NDST3: variants seen among roughly 807,000 people sequenced by gnomAD.
The protein encoded by NDST3 is N-deacetylase and N-sulfotransferase 3, also known as bifunctional heparan sulfate N-deacetylase/N-sulfotransferase 3.
Under a neutral mutation model 96.1 loss-of-function variants are expected in NDST3, and 58 were observed. The ratio of observed to expected loss-of-function variants is 0.60; its 90% CI spans 0.49 to 0.75. The LOEUF is 0.75. NDST3 is among the 30% of genes least tolerant of loss of function. The probability of loss-of-function intolerance (pLI) is 0.00; values close to 1 mark genes in which losing one functional copy is unlikely to be tolerated. For missense variants in NDST3, 788 were observed against 1,034.2 expected (o/e 0.76, Z 3.27); for synonymous variants, 333 against 359.7 (o/e 0.93, Z 0.84).
At position 118,152,172 on chromosome 4, in the gene NDST3, T is replaced by C. The variant is rs1028904019; in HGVS notation, c.1539+8488T>C. 1.2e-4 allele frequency among the ~76,000 whole-genome samples: 19 copies of C among 152,312 alleles called. No individual in the cohort carries two copies. In the South Asian group the frequency reaches 3.3e-3, roughly 27 times the overall value. On this transcript the variant is annotated intron_variant, in intron 6 of 13. Coordinates refer to ENST00000296499, the MANE Select transcript of NDST3 (RefSeq NM_004784.3). ...TAAGAAAATTCTCAAATCAAAAGCATAAGGAAAACCTGTTTCCTGAATTCA... is the reference window on the plus strand; with the variant it reads ...TAAGAAAATTCTCAAATCAAAAGCACAAGGAAAACCTGTTTCCTGAATTCA...
chr4:118,054,246 T>C lies in NDST3; in HGVS notation c.336T>C (p.Pro112=), dbSNP rs369529868. ...SRFQYHIEIA[P]GKGDLPVLID... is the part of the protein sequence containing the mutation. Reference sequence around the variant, plus strand: ...TCCAGTATCACATTGAAATTGCCCCTGGAAAGGGAGATCTCCCAGTGCTTA... The same window carrying C: ...TCCAGTATCACATTGAAATTGCCCCCGGAAAGGGAGATCTCCCAGTGCTTA... The change falls in exon 2 of 14, where the codon CCT becomes CCC. Residue 112 remains proline (P), a synonymous_variant. Transcript: ENST00000296499. The C allele has an allele frequency of 5.6e-6, 9 of 1,612,724 alleles. No homozygotes were observed. Among genetic ancestry groups the C allele is most frequent in the Non-Finnish European group, 6.8e-6 (8 of 1,179,358 alleles).
chr4:118,195,448 C>T (rs944401085), intron 6 of NDST3, among the ~76,000 whole-genome samples: 2 of 152,178 alleles, frequency 1.3e-5, no homozygotes, highest in Non-Finnish European at 2.9e-5. Context: ...GTAAGACATG[C>T]CTTTGCTTCT....
At chr4:118,045,300 C>T (rs546995991) in intron 1 of NDST3, among the ~76,000 whole-genome samples, 2 of 152,220 alleles carry the variant, frequency 1.3e-5, no homozygotes, top group African/African-American at 4.8e-5. Flanking sequence ...ACAGACTCCC[C>T]CACTTGCCAT....
At chr4:118,126,382 C>T (rs745311903) in intron 4 of NDST3, among the ~76,000 whole-genome samples, 114 of 151,910 alleles carry the variant, frequency 7.5e-4, no homozygotes, top group Non-Finnish European at 7.4e-4. Context: ...GTTTGTCTTT[C>T]TGTGTCTTGG....
intron 2 of NDST3, among the ~76,000 whole-genome samples, chr4:118,081,607 G>GTTAT (rs1262515514): frequency 6.6e-6 from 1 of 152,100 alleles, no homozygotes; most frequent in African/African-American, 2.4e-5. Context: ...AGCATCCAGA[G>GTTAT]GCAAAGGCTG....
In NDST3 at chr4:118,054,242, C is replaced by A. The variant is rs1188441350; in HGVS notation, c.332C>A (p.Ala111Asp). ...SSRFQYHIEIAPGKGDLPVLI... is the reference protein window; with the variant it reads ...SSRFQYHIEIDPGKGDLPVLI... ...AGATTCCAGTATCACATTGAAATTG[C>A]CCCTGGAAAGGGAGATCTCCCAGTG... is the stretch of plus-strand genomic sequence containing the variant. The change falls in exon 2 of 14, where the codon GCC becomes GAC. Residue 111 changes from alanine (A) to aspartate (D), a missense_variant. By Grantham distance (126) the Ala-to-Asp change is moderately radical (BLOSUM62 -2). Around this residue, in one of 3 missense-constraint regions of NDST3, gnomAD observed 234 missense variants for 256.9 expected, o/e 0.91. Transcript: ENST00000296499. The A allele has an allele frequency of 6.2e-7, 1 of 1,612,504 alleles. No individual in the cohort carries two copies. The highest frequency in any genetic ancestry group is 1.3e-5 in the African/African-American group (1 of 74,786).
intron 6 of NDST3, among the ~76,000 whole-genome samples, chr4:118,196,093 C>T (rs1737666059): frequency 6.6e-6 from 1 of 152,180 alleles, no homozygotes; most frequent in Non-Finnish European, 1.5e-5. Context: ...TTAACATCTA[C>T]TGACATGATC....
At chr4:118,122,602 C>T (rs1277325627) in intron 4 of NDST3, among the ~76,000 whole-genome samples, 2 of 152,142 alleles carry the variant, frequency 1.3e-5, no homozygotes, top group Non-Finnish European at 2.9e-5. Flanking sequence ...AACCAGCCTC[C>T]AAACTAGTCT....
intron 4 of NDST3, among the ~76,000 whole-genome samples, chr4:118,119,964 GT>G (rs772730085): frequency 3.9e-5 from 6 of 152,050 alleles, no homozygotes; most frequent in Admixed American, 6.6e-5. Context: ...TAATCAGTCA[GT>G]CTTAAGATTT....
chr4:118,124,277 A>G (rs1731854472), intron 4 of NDST3, among the ~76,000 whole-genome samples: 1 of 152,052 alleles, frequency 6.6e-6, no homozygotes, highest in African/African-American at 2.4e-5. Flanking sequence ...AGCACTCTGA[A>G]TTGTTTGAGA....
intron 8 of NDST3, among the ~76,000 whole-genome samples, chr4:118,227,528 T>C (rs1403635210): frequency 6.6e-6 from 1 of 151,976 alleles, no homozygotes; most frequent in Non-Finnish European, 1.5e-5. Context: ...TGTTTATTCA[T>C]ACCCAGGAGA....
At chr4:118,155,101 G>T (rs9992747) in intron 6 of NDST3, among the ~76,000 whole-genome samples, 10,105 of 152,132 alleles carry the variant, frequency 0.066, 736 homozygotes, top group African/African-American at 0.18. Context: ...AAAATGGTAA[G>T]ACTTTTAAAT....
In NDST3 at chr4:118,114,859, T is replaced by C. The variant is rs1026328612; in HGVS notation, c.1123T>C (p.Phe375Leu). Residue 375 changes from phenylalanine to leucine, a missense_variant, in exon 4 of 14, where the codon TTC becomes CTC. Around this residue, in one of 3 missense-constraint regions of NDST3, gnomAD observed 490 missense variants for 708.8 expected, o/e 0.69. Transcript: ENST00000296499. ...CTGTCTGTTGGGGTCTGTGGATGAG[T>C]TCTGGTGGTTTCCTCACATGTGGAG... ...DDCLLGSVDE[F>L]WWFPHMWSHM... 6.2e-7 allele frequency: 1 copy of C among 1,613,886 alleles called. No homozygotes were observed. Among genetic ancestry groups the C allele is most frequent in the Non-Finnish European group, 8.5e-7 (1 of 1,179,932 alleles).
intron 4 of NDST3, among the ~76,000 whole-genome samples, chr4:118,121,745 T>G (rs559712209): frequency 6.6e-6 from 1 of 152,330 alleles, no homozygotes; most frequent in South Asian, 2.1e-4. Context: ...TTTCTATCTG[T>G]GTGTATCTCT....
rs147619730 is a variant in NDST3, at chr4:118,053,928, G to C, written c.18G>C (p.Lys6Asn). MSFIM[K>N]LHRHFQRTVI... ...CCTACAACATGAGTTTTATCATGAA[G>C]CTTCACAGACACTTTCAAAGAACAG... is the stretch of plus-strand genomic sequence containing the variant. Residue 6 changes from lysine to asparagine, a missense_variant, in exon 2 of 14, where the codon AAG becomes AAC. By Grantham distance (94) the Lys-to-Asn change is moderately conservative. Coordinates refer to ENST00000296499, the MANE Select transcript of NDST3 (RefSeq NM_004784.3). 18 of 1,604,820 alleles carry C rather than the reference G, an allele frequency of 1.1e-5. No homozygotes were observed. The highest frequency in any genetic ancestry group is 2.7e-5 in the African/African-American group (2 of 74,568).
chr4:118,076,033 A>G (rs1456494446), intron 2 of NDST3, among the ~76,000 whole-genome samples: 1 of 152,014 alleles, frequency 6.6e-6, no homozygotes, highest in Non-Finnish European at 1.5e-5. Context: ...TTTGCAAGGG[A>G]TCTTATTTCT....
upstream of NDST3, chr4:118,033,844 G>A (rs565641046): frequency 6.6e-5 from 10 of 152,440 alleles, no homozygotes; most frequent in East Asian, 1.7e-3. Context: ...CCGGACGAGG[G>A]GCCCTGGGGA....
intron 6 of NDST3, among the ~76,000 whole-genome samples, chr4:118,157,859 ATTACACAAAATAATTAATTAAAATAATT>A (rs956420200): frequency 6.6e-6 from 1 of 152,252 alleles, no homozygotes; most frequent in Admixed American, 6.5e-5. Context: ...TATGTAATAT[ATTACACAAAATAATTAATTAAAATAATT>A]TTGAGTACAG....
chr4:118,157,172 C>T (rs6857232), intron 6 of NDST3, among the ~76,000 whole-genome samples: 124,120 of 152,102 alleles, frequency 0.82, 52,950 homozygotes, highest in South Asian at 0.95. Context: ...TTCCACAATA[C>T]ATTAAGGGAG....
Sources: gnomAD v4.1 joint callset for allele counts (sites outside exome capture counted in the v4.1 genomes callset) on GRCh38, gnomAD v4.1.1 for gene constraint, gnomAD v4.1.1 regional missense constraint, MANE v1.5 for transcripts, NCBI Gene and HGNC (gene_info 2026-07-23, HGNC 2026-07-21) for gene names.